TLN2: variants seen among roughly 807,000 people sequenced by gnomAD.
The protein encoded by TLN2 is talin 2.
TLN2 carries 118 observed loss-of-function variants against 294.7 expected under a neutral mutation model. The observed-to-expected ratio is 0.40, with a 90% CI of 0.34 to 0.47. The LOEUF is 0.47. Among genes scored for constraint, TLN2 ranks in the 20% least tolerant of loss-of-function variants. The probability of loss-of-function intolerance (pLI) is 0.84; values close to 1 mark genes in which losing one functional copy is unlikely to be tolerated. For synonymous variants in TLN2, 1,431 were observed against 1,304.5 expected (o/e 1.10, Z -2.09); for missense variants, 3,083 against 3,282.2 (o/e 0.94, Z 1.48).
chr15:62,540,890 C>T (rs184524873), intron 1 of TLN2, among the ~76,000 whole-genome samples: 84 of 152,224 alleles, frequency 5.5e-4, no homozygotes, highest in African/African-American at 1.9e-3. Flanking sequence ...AATGCTTCAT[C>T]GGGGCACATT....
intron 45 of TLN2, among the ~76,000 whole-genome samples, chr15:62,787,002 T>A (rs2064716097): frequency 2.0e-5 from 3 of 152,114 alleles, no homozygotes; most frequent in African/African-American, 7.2e-5. Flanking sequence ...TGTCCCAGTC[T>A]TAAGCAATCC....
In TLN2 at chr15:62,575,627, C is replaced by T. The variant is rs201558937; in HGVS notation, c.-237-14060C>T. Among the ~76,000 whole-genome samples the T allele has an allele frequency of 5.4e-4, 66 of 121,956 alleles. No individual in the cohort carries two copies. In the East Asian group the frequency reaches 0.013, roughly 24 times the overall value. 80.0% of individuals were successfully genotyped at this position (121,956 alleles called of 152,430 possible). On this transcript the variant is annotated intron_variant, in intron 1 of 58. Transcript: ENST00000636159. ...AAAAACACACACACACACACACATACACACACACAGAAAAATTAGTCCAAC... is the reference window on the plus strand; with the variant it reads ...AAAAACACACACACACACACACATATACACACACAGAAAAATTAGTCCAAC...
At position 62,701,121 on chromosome 15, in the gene TLN2, G is replaced by A; in HGVS notation, c.1603G>A (p.Val535Ile). 2.5e-6 allele frequency: 4 copies of A among 1,614,074 alleles called. No homozygotes were observed. The highest frequency in any genetic ancestry group is 2.5e-6 in the Non-Finnish European group (3 of 1,180,004). ...GGCTTTGCAGGCATCTAGGGTATGG[G>A]TTCAGAACAAAGTCGACGAATCCAA... is the stretch of plus-strand genomic sequence containing the variant. ...LGQDMASRVW[V>I]QNKVDESKHE... Residue 535 changes from valine to isoleucine, a missense_variant, in exon 17 of 59, where the codon GTT becomes ATT. By Grantham distance (29) the Val-to-Ile change is conservative. Transcript: ENST00000636159.
intron 1 of TLN2, among the ~76,000 whole-genome samples, chr15:62,473,571 T>C (rs1172440149): frequency 2.0e-5 from 3 of 152,182 alleles, no homozygotes; most frequent in Admixed American, 1.3e-4. Flanking sequence ...TATTCTTATT[T>C]TGAAAAATTG....
At chr15:62,616,860 C>T (rs1400315367) in intron 2 of TLN2, among the ~76,000 whole-genome samples, 5 of 152,174 alleles carry the variant, frequency 3.3e-5, no homozygotes. Flanking sequence ...TTAGAAAGCA[C>T]TTGATAAATA....
chr15:62,610,691 G>C (rs544930551), intron 2 of TLN2, among the ~76,000 whole-genome samples: 2 of 152,156 alleles, frequency 1.3e-5, no homozygotes, highest in Non-Finnish European at 2.9e-5. Context: ...CCTCAGCTGG[G>C]AACATGCAAG....
Position 62,753,859 on chromosome 15 carries a change from C to G in TLN2, c.4419C>G (p.Asn1473Lys). Reference sequence around the variant, plus strand: ...ACCCCATCCAGTTTGCCAGGGCTAACCAGGCCATCCAGATGGCATGCCAGA... The same window carrying G: ...ACCCCATCCAGTTTGCCAGGGCTAAGCAGGCCATCCAGATGGCATGCCAGA... The part of the protein sequence containing the change: ...LVDPIQFARA[N>K]QAIQMACQNL... Residue 1473 changes from asparagine to lysine, a missense_variant, in exon 36 of 59, where the codon AAC (asparagine) becomes AAG (lysine). By Grantham distance (94) the Asn-to-Lys change is moderately conservative. Coordinates refer to ENST00000636159, the MANE Select transcript of TLN2 (RefSeq NM_015059.3). The G allele has an allele frequency of 6.2e-7, 1 of 1,611,552 alleles. No homozygotes were observed. Among genetic ancestry groups the G allele is most frequent in the African/African-American group, 1.3e-5 (1 of 74,960 alleles).
intron 3 of TLN2, among the ~76,000 whole-genome samples, chr15:62,631,501 CTT>C (rs1491252536): frequency 1.7e-4 from 22 of 127,452 alleles, no homozygotes; most frequent in Non-Finnish European, 3.7e-4. Context: ...CTTTCTTCCT[CTT>C]TTCTTTCTTT....
chr15:62,658,712 C>T (rs976144141), intron 9 of TLN2, among the ~76,000 whole-genome samples: 14 of 152,172 alleles, frequency 9.2e-5, no homozygotes, highest in African/African-American at 3.4e-4. Flanking sequence ...TTTTACCCCA[C>T]CAGTCTGGCT....
chr15:62,543,901 C>T (rs1483247161), intron 1 of TLN2, among the ~76,000 whole-genome samples: 1 of 152,114 alleles, frequency 6.6e-6, no homozygotes, highest in Non-Finnish European at 1.5e-5. Context: ...GAGAGCATCT[C>T]CAGGGAGGAC....
At chr15:62,679,680 A>G (rs2056619132) in intron 11 of TLN2, among the ~76,000 whole-genome samples, 1 of 152,138 alleles carries the variant, frequency 6.6e-6, no homozygotes, top group South Asian at 2.1e-4. Context: ...ATATTCTAGA[A>G]CTGACTGTGG....
intron 9 of TLN2, among the ~76,000 whole-genome samples, chr15:62,664,481 T>C (rs1031827564): frequency 1.3e-5 from 2 of 151,994 alleles, no homozygotes; most frequent in African/African-American, 4.8e-5. Context: ...TAAAAATATA[T>C]ACACAAAGAG....
intron 39 of TLN2, 109 bp downstream of exon 39, chr15:62,762,562 C>G (rs2062741966): frequency 7.9e-7 from 1 of 1,259,880 alleles, no homozygotes; most frequent in African/African-American, 1.5e-5. Context: ...TCATTATCAT[C>G]TTTTTCTTTT....
intron 2 of TLN2, among the ~76,000 whole-genome samples, chr15:62,607,536 G>A (rs1188221802): frequency 6.6e-6 from 1 of 152,170 alleles, no homozygotes; most frequent in Non-Finnish European, 1.5e-5. Context: ...CAGAATGGGT[G>A]TATCATAATG....
At chr15:62,659,928 T>G (rs1231020288) in intron 9 of TLN2, among the ~76,000 whole-genome samples, 1 of 152,200 alleles carries the variant, frequency 6.6e-6, no homozygotes, top group African/African-American at 2.4e-5. Flanking sequence ...TTTTGCTGAT[T>G]TGCGAGTTGG....
chr15:62,732,178 C>A (rs1049922640), intron 28 of TLN2, among the ~76,000 whole-genome samples: 3 of 152,152 alleles, frequency 2.0e-5, no homozygotes, highest in African/African-American at 4.8e-5. Context: ...TCTACACTTT[C>A]CCGAAATCTT....
chr15:62,672,890 G>A (rs1312582669), intron 9 of TLN2, among the ~76,000 whole-genome samples: 1 of 152,070 alleles, frequency 6.6e-6, no homozygotes, highest in African/African-American at 2.4e-5. Context: ...AGGTACTCAG[G>A]CCAGTATTTC....
At chr15:62,804,157 G>T (rs963231920) in intron 50 of TLN2, among the ~76,000 whole-genome samples, 4 of 152,120 alleles carry the variant, frequency 2.6e-5, no homozygotes, top group Admixed American at 6.5e-5. Flanking sequence ...TGAAGCTAGG[G>T]GTGGGGTGAC....
At chr15:62,633,226 C>T (rs1267789027) in intron 3 of TLN2, among the ~76,000 whole-genome samples, 5 of 152,286 alleles carry the variant, frequency 3.3e-5, no homozygotes, top group Non-Finnish European at 1.5e-5. Flanking sequence ...AGCTTTGTGA[C>T]CTTGGGCATA....
Sources: allele counts gnomAD v4.1 joint callset (sites outside exome capture counted in the v4.1 genomes callset), GRCh38; gene constraint gnomAD v4.1.1; transcripts MANE v1.5; gene names NCBI Gene and HGNC (gene_info 2026-07-23, HGNC 2026-07-21).